ATXN1: variants seen among roughly 807,000 people sequenced by gnomAD.
The protein encoded by ATXN1 is ataxin-1.
In ATXN1, 8 loss-of-function variants were observed where a neutral mutation model predicts 56.4. The ratio of observed to expected loss-of-function variants is 0.14; its 90% confidence interval spans 0.08 to 0.26. The LOEUF is 0.26. ATXN1 is among the 10% of genes least tolerant of loss of function. The probability of loss-of-function intolerance (pLI) is 1.00; values close to 1 mark genes in which losing one functional copy is unlikely to be tolerated. For synonymous variants in ATXN1, 514 were observed against 494.6 expected (o/e 1.04, Z -0.52); for missense variants, 987 against 1,106.5 (o/e 0.89, Z 1.53).
At chr6:16,707,267 C>T (rs953274658) in intron 2 of ATXN1, among the ~76,000 whole-genome samples, 6 of 152,094 alleles carry the variant, frequency 3.9e-5, no homozygotes, top group Admixed American at 3.9e-4. Context: ...GGTAAGAAGT[C>T]ATGCAAATGG....
chr6:16,461,965 G>C (rs909419587), intron 6 of ATXN1, among the ~76,000 whole-genome samples: 2 of 152,208 alleles, frequency 1.3e-5, no homozygotes, highest in Non-Finnish European at 2.9e-5. Context: ...ATGAAGTGCT[G>C]TATGGATGAC....
chr6:16,347,807 G>C (rs1047568982), intron 6 of ATXN1, among the ~76,000 whole-genome samples: 7 of 152,242 alleles, frequency 4.6e-5, no homozygotes, highest in African/African-American at 1.7e-4. Flanking sequence ...CCAGATAAGA[G>C]AATAAAAGCA....
At chr6:16,744,247 G>A (rs765656919) in intron 2 of ATXN1, among the ~76,000 whole-genome samples, 8 of 152,098 alleles carry the variant, frequency 5.3e-5, no homozygotes, top group Non-Finnish European at 1.0e-4. Flanking sequence ...AGCTATCCCC[G>A]GAGAAGAGCT....
intron 2 of ATXN1, chr6:16,739,715 A>G (rs1230998092): frequency 6.9e-6 from 3 of 435,674 alleles, no homozygotes; most frequent in Admixed American, 2.4e-5. Flanking sequence ...CAGCTAAAAC[A>G]TTGATTCTCA....
chr6:16,548,338 A>T (rs1761853070), intron 4 of ATXN1, among the ~76,000 whole-genome samples: 1 of 152,200 alleles, frequency 6.6e-6, no homozygotes. Context: ...AGCGAATGTG[A>T]AGGCCTAGGA....
At chr6:16,665,723 A>G (rs1758410732) in intron 2 of ATXN1, among the ~76,000 whole-genome samples, 1 of 152,186 alleles carries the variant, frequency 6.6e-6, no homozygotes, top group Non-Finnish European at 1.5e-5. Context: ...AAGACCATTA[A>G]CCCATGTGGT....
At chr6:16,465,512 C>T (rs1449673540) in intron 6 of ATXN1, among the ~76,000 whole-genome samples, 1 of 152,056 alleles carries the variant, frequency 6.6e-6, no homozygotes, top group Non-Finnish European at 1.5e-5. Flanking sequence ...AAAGATGACT[C>T]CCAGGCAAGG....
intron 3 of ATXN1, among the ~76,000 whole-genome samples, chr6:16,617,846 C>T (rs907802271): frequency 6.6e-6 from 1 of 151,196 alleles, no homozygotes; most frequent in African/African-American, 2.4e-5. Context: ...ATGATGTCTC[C>T]TCTCAGTGGG....
intron 2 of ATXN1, among the ~76,000 whole-genome samples, chr6:16,746,978 A>G (rs1396497168): frequency 6.6e-6 from 1 of 152,150 alleles, no homozygotes; most frequent in Non-Finnish European, 1.5e-5. Flanking sequence ...AGTGAGTAGC[A>G]CAAGTCATCC....
intron 2 of ATXN1, among the ~76,000 whole-genome samples, chr6:16,680,559 A>T (rs1463746660): frequency 6.6e-6 from 1 of 152,196 alleles, no homozygotes; most frequent in African/African-American, 2.4e-5. Context: ...ACACTGGGGC[A>T]GGGGTGAGGC....
At chr6:16,377,559 G>A (rs566182872) in intron 6 of ATXN1, among the ~76,000 whole-genome samples, 10 of 152,278 alleles carry the variant, frequency 6.6e-5, no homozygotes, top group Admixed American at 2.0e-4. Flanking sequence ...ATGGTCTCGC[G>A]GGGAGACAGA....
At chr6:16,392,297 G>C (rs1408651345) in intron 6 of ATXN1, among the ~76,000 whole-genome samples, 1 of 152,178 alleles carries the variant, frequency 6.6e-6, no homozygotes, top group African/African-American at 2.4e-5. Context: ...TTCCCCAGCT[G>C]ATACCCATGG....
At chr6:16,390,387 C>T (rs1758327908) in intron 6 of ATXN1, among the ~76,000 whole-genome samples, 2 of 152,104 alleles carry the variant, frequency 1.3e-5, no homozygotes, top group Admixed American at 6.5e-5. Context: ...AGTATGCATG[C>T]AAGCATCTTT....
chr6:16,622,310 T>C (rs1401541591), intron 3 of ATXN1, among the ~76,000 whole-genome samples: 1 of 152,156 alleles, frequency 6.6e-6, no homozygotes, highest in African/African-American at 2.4e-5. Context: ...GTAAGGAGCT[T>C]AGCTCAGGGC....
chr6:16,366,058 T>C (rs924884388), intron 6 of ATXN1, among the ~76,000 whole-genome samples: 6 of 152,240 alleles, frequency 3.9e-5, no homozygotes, highest in African/African-American at 1.4e-4. Flanking sequence ...TTTATTTTTG[T>C]GGCTAAATCT....
At chr6:16,350,157 T>C (rs768130340) in intron 6 of ATXN1, among the ~76,000 whole-genome samples, 12 of 152,198 alleles carry the variant, frequency 7.9e-5, no homozygotes, top group Non-Finnish European at 1.3e-4. Flanking sequence ...GCAAAAAAAG[T>C]AAGGCAGTCT....
At chr6:16,352,651 CAG>C (rs1202283076) in intron 6 of ATXN1, among the ~76,000 whole-genome samples, 2 of 152,034 alleles carry the variant, frequency 1.3e-5, no homozygotes, top group Non-Finnish European at 2.9e-5. Flanking sequence ...AGCATCATGG[CAG>C]AGTTATTGTC....
intron 4 of ATXN1, among the ~76,000 whole-genome samples, chr6:16,560,413 G>C (rs1467327331): frequency 1.3e-5 from 2 of 151,626 alleles, no homozygotes. Flanking sequence ...TGGATAGCAA[G>C]AGCGAAACTC....
At chr6:16,586,415 G>C (rs1254848730) in intron 3 of ATXN1, among the ~76,000 whole-genome samples, 2 of 152,124 alleles carry the variant, frequency 1.3e-5, no homozygotes, top group Non-Finnish European at 2.9e-5. Context: ...ATGCCTCTTT[G>C]TTAATAACTC....
Sources: allele counts gnomAD v4.1 joint callset (sites outside exome capture counted in the v4.1 genomes callset), GRCh38; gene constraint gnomAD v4.1.1; transcripts MANE v1.5; gene names NCBI Gene and HGNC (gene_info 2026-07-23, HGNC 2026-07-21).